BMP2K: variants seen among roughly 807,000 people sequenced by gnomAD.
BMP2K encodes the protein BMP-2-inducible protein kinase.
BMP2K carries 74 observed loss-of-function variants against 116.0 expected under a neutral mutation model. The observed-to-expected ratio is 0.64, with a 90% CI of 0.53 to 0.77. The LOEUF (loss-of-function observed/expected upper bound fraction) is 0.77, where lower values mean the gene tolerates loss of function less well. Ranked by LOEUF, BMP2K falls within the 30% of genes least tolerant of loss-of-function variation. The pLI is 0.00. For missense variants in BMP2K, 1,365 were observed against 1,403.6 expected, an observed-to-expected ratio of 0.97 and a Z score of 0.44; for synonymous variants, 486 against 502.5, an observed-to-expected ratio of 0.97 and a Z score of 0.44.
chr4:78,907,659 G>A (rs1014538143), intron 15 of BMP2K, among the ~76,000 whole-genome samples: 1 of 152,122 alleles, frequency 6.6e-6, no homozygotes. Context: ...TTTTGTGTAG[G>A]ACTCATTAGC....
At chr4:78,859,396 T>G (rs368302129) in intron 7 of BMP2K, 188 bp from the exon 8 acceptor site, 5 of 445,218 alleles carry the variant, frequency 1.1e-5, no homozygotes, top group Non-Finnish European at 2.0e-5. Context: ...TACCCTTAGC[T>G]TGGGATAATG....
intron 1 of BMP2K, among the ~76,000 whole-genome samples, chr4:78,819,441 C>G (rs1370784228): frequency 1.3e-5 from 2 of 152,194 alleles, no homozygotes; most frequent in Admixed American, 1.3e-4. Context: ...TGTATTAATG[C>G]TTTGCATACA....
intron 14 of BMP2K, among the ~76,000 whole-genome samples, chr4:78,886,567 C>T (rs1022083712): frequency 2.0e-5 from 3 of 152,126 alleles, no homozygotes; most frequent in Non-Finnish European, 2.9e-5. Flanking sequence ...CACATTGGCA[C>T]ATAGTAGATA....
At chr4:78,822,518 T>A (rs568532046) in intron 1 of BMP2K, among the ~76,000 whole-genome samples, 1 of 152,284 alleles carries the variant, frequency 6.6e-6, no homozygotes, top group Admixed American at 6.5e-5. Context: ...TTTCATCAGA[T>A]CAATATCCCA....
At position 78,842,384 on chromosome 4, in the gene BMP2K, G is replaced by T; in HGVS notation, c.404-1G>T. The T allele has an allele frequency of 6.3e-7, 1 of 1,578,954 alleles. No homozygotes were observed. ...CCTCTCAAAATTACTTTTTTGGTTA[G>T]CTGGACAGGTAGTGAATCAAATGAA... On this transcript the variant is annotated splice_acceptor_variant, in intron 3 of 15. Coordinates refer to ENST00000502613, the MANE Select transcript of BMP2K (RefSeq NM_198892.2). LOFTEE classifies it high-confidence loss of function.
chr4:78,864,864 C>T (rs561317067), intron 9 of BMP2K, among the ~76,000 whole-genome samples: 1 of 152,050 alleles, frequency 6.6e-6, no homozygotes, highest in East Asian at 1.9e-4. Context: ...AAATATTTTA[C>T]CTTTTTTGTT....
chr4:78,848,858 G>C (rs1052742632), intron 6 of BMP2K, among the ~76,000 whole-genome samples: 2 of 151,050 alleles, frequency 1.3e-5, no homozygotes, highest in African/African-American at 4.8e-5. Context: ...GCTTGAAAGA[G>C]GGAGAATTTT....
At chr4:78,814,953 A>T (rs892262340) in intron 1 of BMP2K, among the ~76,000 whole-genome samples, 4 of 152,188 alleles carry the variant, frequency 2.6e-5, no homozygotes, top group Admixed American at 6.6e-5. Context: ...AAGGAGCTTA[A>T]CTAATTTTTC....
At chr4:78,824,263 G>T (rs1729766683) in intron 1 of BMP2K, among the ~76,000 whole-genome samples, 1 of 152,162 alleles carries the variant, frequency 6.6e-6, no homozygotes, top group Non-Finnish European at 1.5e-5. Context: ...GAGTTTCCTA[G>T]GAGCTTGTAT....
chr4:78,816,126 A>T (rs1729338150), intron 1 of BMP2K, among the ~76,000 whole-genome samples: 1 of 152,078 alleles, frequency 6.6e-6, no homozygotes, highest in Non-Finnish European at 1.5e-5. Flanking sequence ...TTCTTTCTGT[A>T]ATCATTTTCC....
intron 15 of BMP2K, among the ~76,000 whole-genome samples, chr4:78,892,742 G>C (rs531194157): frequency 6.6e-6 from 1 of 152,264 alleles, no homozygotes; most frequent in African/African-American, 2.4e-5. Flanking sequence ...GCATACAAAA[G>C]TTACATTTAC....
intron 10 of BMP2K, 35 bp downstream of exon 10, chr4:78,865,755 G>A (rs2110051881): frequency 6.3e-7 from 1 of 1,597,962 alleles, no homozygotes; most frequent in East Asian, 2.2e-5. Flanking sequence ...CCTCTTAAAG[G>A]TTAATGTTAA....
intron 1 of BMP2K, among the ~76,000 whole-genome samples, chr4:78,789,536 T>G (rs1727901894): frequency 6.6e-6 from 1 of 152,176 alleles, no homozygotes; most frequent in Non-Finnish European, 1.5e-5. Context: ...GGAGTATTAC[T>G]GGGTGCATGG....
chr4:78,820,784 C>T (rs1470574393), intron 1 of BMP2K: 1 of 152,518 alleles, frequency 6.6e-6, no homozygotes, highest in East Asian at 1.9e-4. Context: ...GTTGGTCAGG[C>T]TGGTCTCAAA....
chr4:78,869,042 G>T (rs1732204274), intron 10 of BMP2K, among the ~76,000 whole-genome samples: 1 of 152,150 alleles, frequency 6.6e-6, no homozygotes, highest in Non-Finnish European at 1.5e-5. Context: ...TGGGGACTTT[G>T]ACCCCACATT....
intron 1 of BMP2K, among the ~76,000 whole-genome samples, chr4:78,789,282 G>A (rs926086141): frequency 6.6e-6 from 1 of 152,132 alleles, no homozygotes; most frequent in South Asian, 2.1e-4. Flanking sequence ...GTAGAACTTA[G>A]TTCTCGTGAC....
At chr4:78,836,793 G>A (rs1267538645) in intron 3 of BMP2K, among the ~76,000 whole-genome samples, 1 of 152,188 alleles carries the variant, frequency 6.6e-6, no homozygotes, top group African/African-American at 2.4e-5. Flanking sequence ...TTTTGATCCA[G>A]AATTTTGAGG....
chr4:78,834,193 A>G (rs897223274), intron 3 of BMP2K, among the ~76,000 whole-genome samples: 2 of 152,206 alleles, frequency 1.3e-5, no homozygotes, highest in Non-Finnish European at 2.9e-5. Flanking sequence ...GTGATGTTTT[A>G]AAATAAATAT....
chr4:78,871,161 A>G (rs368313539), intron 11 of BMP2K, 101 bp downstream of exon 11: 4 of 1,525,794 alleles, frequency 2.6e-6, no homozygotes, highest in South Asian at 1.3e-5. Context: ...CTTGAACTCT[A>G]GATTTGAGTA....
Sources: gnomAD v4.1 joint callset for allele counts (sites outside exome capture counted in the v4.1 genomes callset) on GRCh38, gnomAD v4.1.1 for gene constraint, MANE v1.5 for transcripts, NCBI Gene and HGNC (gene_info 2026-07-23, HGNC 2026-07-21) for gene names.